Variants in ASIC2 observed in about 807,000 individuals in gnomAD.
ASIC2 encodes the protein acid sensing ion channel subunit 2.
In ASIC2, 25 loss-of-function variants were observed where a neutral mutation model predicts 57.3. The observed-to-expected ratio is 0.44, with a 90% CI of 0.32 to 0.61. ASIC2 has a LOEUF of 0.61. ASIC2 is among the 20% of genes least tolerant of loss of function. The pLI is 0.06. For synonymous variants in ASIC2, 319 were observed against 307.5 expected, an observed-to-expected ratio of 1.04 and a Z score of -0.39; for missense variants, 641 against 738.1, an observed-to-expected ratio of 0.87 and a Z score of 1.52.
intron 1 of ASIC2, among the ~76,000 whole-genome samples, chr17:33,914,986 T>A (rs1915553314): frequency 6.6e-6 from 1 of 152,218 alleles, no homozygotes; most frequent in African/African-American, 2.4e-5. Context: ...TGGTCTGCTG[T>A]GGCTGTCTTA....
At chr17:33,759,407 T>C (rs150322977) in intron 1 of ASIC2, among the ~76,000 whole-genome samples, 355 of 152,106 alleles carry the variant, frequency 2.3e-3, no homozygotes, top group African/African-American at 8.1e-3. Flanking sequence ...AGTGAAAAAA[T>C]TGGAAAAACG....
chr17:33,912,035 G>A (rs1483346131), intron 1 of ASIC2, among the ~76,000 whole-genome samples: 3 of 151,496 alleles, frequency 2.0e-5, no homozygotes, highest in African/African-American at 7.3e-5. Flanking sequence ...AGCTACTTGG[G>A]AGGCTGAAGC....
intron 4 of ASIC2, among the ~76,000 whole-genome samples, chr17:33,027,306 AC>A (rs1218024710): frequency 6.6e-6 from 1 of 152,218 alleles, no homozygotes; most frequent in East Asian, 1.9e-4. Context: ...ACCTTTCAGC[AC>A]AGATTATCAC....
chr17:33,868,675 G>A (rs1914309646), intron 1 of ASIC2, among the ~76,000 whole-genome samples: 1 of 152,114 alleles, frequency 6.6e-6, no homozygotes, highest in South Asian at 2.1e-4. Context: ...CACAGAATGG[G>A]AGAAAACTTT....
intron 1 of ASIC2, among the ~76,000 whole-genome samples, chr17:34,105,985 G>A (rs1323452696): frequency 1.3e-5 from 2 of 151,774 alleles, no homozygotes; most frequent in Admixed American, 1.3e-4. Flanking sequence ...CTCTTATAAT[G>A]TCTTTTTCTC....
rs547424984 is a variant in ASIC2, at chr17:33,641,010, G to A, written c.555+514968C>T. 2.0e-5 allele frequency among the ~76,000 whole-genome samples: 3 copies of A among 152,194 alleles called. No individual in the cohort carries two copies. The South Asian group carries it at 6.2e-4, about 32-fold the overall frequency. On this transcript the variant is annotated intron_variant, in intron 1 of 9. Transcript: ENST00000359872. The stretch of plus-strand genomic sequence containing the variant: ...GAATGGCAGCAACATAGACCCTATG[G>A]GAGAAGGGGTCTTCTTTAGGCCACG...
intron 1 of ASIC2, among the ~76,000 whole-genome samples, chr17:33,346,285 C>G (rs1051588137): frequency 1.4e-5 from 2 of 145,416 alleles, no homozygotes; most frequent in African/African-American, 5.1e-5. Flanking sequence ...ATAAAGACAC[C>G]TATGTACATT....
chr17:33,497,769 G>A (rs2141939614), intron 1 of ASIC2, among the ~76,000 whole-genome samples: 1 of 152,304 alleles, frequency 6.6e-6, no homozygotes, highest in Non-Finnish European at 1.5e-5. Flanking sequence ...ATAAAAAAAA[G>A]GAGGCTCAGA....
intron 1 of ASIC2, among the ~76,000 whole-genome samples, chr17:33,855,500 T>C (rs570621929): frequency 6.6e-6 from 1 of 152,352 alleles, no homozygotes; most frequent in East Asian, 1.9e-4. Flanking sequence ...ACTATAATTT[T>C]ACACAGTTAA....
intron 1 of ASIC2, chr17:33,833,923 C>G (rs1913191447): frequency 6.6e-6 from 1 of 152,130 alleles, no homozygotes; most frequent in African/African-American, 2.4e-5. Context: ...ATTAGCTGGG[C>G]TTGGTGGCAC....
chr17:33,560,349 A>G (rs1916036171), intron 1 of ASIC2, among the ~76,000 whole-genome samples: 1 of 152,220 alleles, frequency 6.6e-6, no homozygotes, highest in South Asian at 2.1e-4. Flanking sequence ...GTTCTTTCCC[A>G]GACAGTAGAG....
At chr17:34,066,846 A>C (rs1909190022) in intron 1 of ASIC2, among the ~76,000 whole-genome samples, 2 of 152,202 alleles carry the variant, frequency 1.3e-5, no homozygotes, top group African/African-American at 4.8e-5. Context: ...AAATCAGAGA[A>C]GGTCAGCAAG....
intron 1 of ASIC2, among the ~76,000 whole-genome samples, chr17:33,464,687 C>CTCTCTA (rs1264604173): frequency 2.1e-4 from 28 of 132,640 alleles, no homozygotes; most frequent in African/African-American, 7.9e-4. Flanking sequence ...CTCTCTCTCT[C>CTCTCTA]TATATATATA....
At chr17:34,148,833 T>G (rs1904392150) in intron 1 of ASIC2, among the ~76,000 whole-genome samples, 1 of 152,200 alleles carries the variant, frequency 6.6e-6, no homozygotes, top group African/African-American at 2.4e-5. Flanking sequence ...TGCTCAGTTT[T>G]GAGCCTAAAA....
intron 1 of ASIC2, among the ~76,000 whole-genome samples, chr17:34,132,585 T>C (rs368482646): frequency 4.3e-5 from 4 of 92,632 alleles, no homozygotes; most frequent in Non-Finnish European, 8.2e-5. Flanking sequence ...TTTTACAGAG[T>C]GCTGATTGGT....
chr17:33,629,854 AAGG>A (rs1449218079), intron 1 of ASIC2, among the ~76,000 whole-genome samples: 2 of 152,206 alleles, frequency 1.3e-5, no homozygotes, highest in Non-Finnish European at 2.9e-5. Flanking sequence ...CTGAAGAGCT[AAGG>A]ATGATTATGC....
At chr17:33,652,778 T>C (rs957291838) in intron 1 of ASIC2, among the ~76,000 whole-genome samples, 3 of 152,222 alleles carry the variant, frequency 2.0e-5, no homozygotes, top group African/African-American at 7.2e-5. Flanking sequence ...AATGCAGCAT[T>C]TATGCAGTTT....
chr17:33,746,593 C>A (rs78720716), intron 1 of ASIC2, among the ~76,000 whole-genome samples: 6,433 of 151,638 alleles, frequency 0.042, 442 homozygotes, highest in African/African-American at 0.14. Context: ...AATCTGACCA[C>A]ATTGAAGGGA....
chr17:33,412,730 G>A (rs1256756216), intron 1 of ASIC2, among the ~76,000 whole-genome samples: 1 of 152,188 alleles, frequency 6.6e-6, no homozygotes, highest in Non-Finnish European at 1.5e-5. Context: ...TCCTGCTTCT[G>A]AGAGTGTGAG....
Sources: gnomAD v4.1 joint callset for allele counts (sites outside exome capture counted in the v4.1 genomes callset) on GRCh38, gnomAD v4.1.1 for gene constraint, MANE v1.5 for transcripts, NCBI Gene and HGNC (gene_info 2026-07-23, HGNC 2026-07-21) for gene names.